ZNF416: variants seen among roughly 807,000 people sequenced by gnomAD.
The protein encoded by ZNF416 is zinc finger protein 416.
ZNF416 carries 5 observed loss-of-function variants against 10.9 expected under a neutral mutation model. The ratio of observed to expected loss-of-function variants is 0.46; its 90% CI spans 0.24 to 0.97. ZNF416 has a LOEUF of 0.97. ZNF416 is among the 50% of genes least tolerant of loss of function. The pLI is 0.19. For missense variants in ZNF416, 675 were observed against 715.0 expected (o/e 0.94, Z 0.64); for synonymous variants, 267 against 251.8 (o/e 1.06, Z -0.57).
rs778592379 is a variant in ZNF416 at position 57,578,841 on chromosome 19, C to CAG, written c.-138_-137insCT. The CAG allele has an allele frequency of 2.6e-4, 229 of 876,718 alleles. No individual in the cohort carries two copies. Among genetic ancestry groups the CAG allele is most frequent in the Middle Eastern group, 3.8e-4 (1 of 2,638 alleles). 54.3% of individuals were successfully genotyped at this position (876,718 alleles called of 1,614,324 possible). ...CCGCTCTGTGCCGGAGGCAGCGTTT[C>CAG]TAACTCAGGCGGCGTGGGCCGAGGT... On this transcript the variant is annotated 5_prime_UTR_variant, in exon 1 of 4. It removes the in-frame stop codon of an upstream open reading frame in the 5' UTR. Coordinates refer to ENST00000196489, the MANE Select transcript of ZNF416 (RefSeq NM_017879.3).
chr19:57,572,177 C>G lies in ZNF416; in HGVS notation c.1727G>C (p.Arg576Thr). ...ILHRKSHTVE[R>T]PRDSSKCGKP... ...TCCACATTTGCTGCTGTCACGAGGC[C>G]TCTCCACAGTGTGAGATTTTCGGTG... The change falls in exon 4 of 4, where the codon AGG (arginine) becomes ACG (threonine). Residue 576 changes from arginine (R) to threonine (T), a missense_variant. Arg to Thr is a moderately conservative substitution (Grantham distance 71, BLOSUM62 -1). Transcript: ENST00000196489. This position sits in a 1 kb window ranked among gnomAD's most constrained non-coding sequence, Gnocchi z 4.5. 6.2e-7 allele frequency: 1 copy of G among 1,614,138 alleles called. No individual in the cohort carries two copies. The highest frequency in any genetic ancestry group is 2.2e-5 in the East Asian group (1 of 44,884).
rs202149553 is a variant in ZNF416, at chr19:57,573,208, G to A, written c.696C>T (p.His232=). Residue 232 remains histidine (H), a synonymous_variant, in exon 4 of 4, where the codon CAC becomes CAT. Coordinates refer to ENST00000196489, the MANE Select transcript of ZNF416 (RefSeq NM_017879.3). ...GCCTTTTTCCAGTGCAGACTCTAGG[G>A]TGAAAAAAAGTGTGTTTGTGGCTGG... ...RESSHKHTFF[H]PRVCTGKRLY... is the part of the protein sequence containing the mutation. 8 of 1,614,170 alleles carry A rather than the reference G, an allele frequency of 5.0e-6. No homozygotes were observed. In the Admixed American group the frequency reaches 5.0e-5, roughly 10 times the overall value.
Position 57,573,220 on chromosome 19 carries a change from G to A in ZNF416, c.684C>T (p.His228=), listed in dbSNP as rs145794172. Residue 228 remains histidine (H), a synonymous_variant, in exon 4 of 4, where the codon CAC becomes CAT. Coordinates refer to ENST00000196489, the MANE Select transcript of ZNF416 (RefSeq NM_017879.3). ...TGCAGACTCTAGGGTGAAAAAAAGT[G>A]TGTTTGTGGCTGGACTCTCTCCTGC... The part of the protein sequence containing the change: ...SQCRRESSHK[H]TFFHPRVCTG... 2 of 1,614,256 alleles carry A rather than the reference G, an allele frequency of 1.2e-6. No homozygotes were observed. Among genetic ancestry groups the A allele is most frequent in the South Asian group, 1.1e-5 (1 of 91,086 alleles).
chr19:57,572,001 G>T lies in ZNF416; in HGVS notation c.*118C>A. The T allele has an allele frequency of 7.4e-7, 1 of 1,347,016 alleles. No individual in the cohort carries two copies. Among genetic ancestry groups the T allele is most frequent in the Non-Finnish European group, 1.0e-6 (1 of 982,712 alleles). 83.4% of individuals were successfully genotyped at this position (1,347,016 alleles called of 1,614,324 possible). On this transcript the variant is annotated 3_prime_UTR_variant, in exon 4 of 4. Coordinates refer to ENST00000196489, the MANE Select transcript of ZNF416 (RefSeq NM_017879.3). This position sits in a 1 kb window ranked among gnomAD's most constrained non-coding sequence, Gnocchi z 4.5. ...CCCATCGGGAGGTCTAGAAGTATGA[G>T]GTTTAACTTTAGGCAGACGGCTCCT...
Position 57,572,153 on chromosome 19 carries a change from CCA to C in ZNF416, c.1749_1750del (p.Cys583TrpfsTer9). On this transcript the variant is annotated frameshift_variant, in exon 4 of 4. Coordinates refer to ENST00000196489, the MANE Select transcript of ZNF416 (RefSeq NM_017879.3). LOFTEE classifies it low-confidence loss of function (END_TRUNC). This position sits in a 1 kb window ranked among gnomAD's most constrained non-coding sequence, Gnocchi z 4.5. ...GTTAGATCTTGGGCTGTAGGGTTTT[CCA>C]CATTTGCTGCTGTCACGAGGCCTCT... is the stretch of plus-strand genomic sequence containing the variant. 1.2e-6 allele frequency: 2 copies of C among 1,613,428 alleles called. No individual in the cohort carries two copies. Among genetic ancestry groups the C allele is most frequent in the Non-Finnish European group, 1.7e-6 (2 of 1,179,428 alleles).
chr19:57,578,175 G>T, intron 1 of ZNF416, 77 bp from the exon 2 acceptor site: 1 of 1,484,718 alleles, frequency 6.7e-7, no homozygotes, highest in Middle Eastern at 1.8e-4. Context: ...TTGTTTCCCT[G>T]CGCAGCCCTG....
chr19:57,576,950 T>C (rs1020878790), intron 2 of ZNF416, among the ~76,000 whole-genome samples: 28 of 151,824 alleles, frequency 1.8e-4, no homozygotes, highest in Admixed American at 1.5e-3. Flanking sequence ...CACCCTACCA[T>C]AGCCACCTCT....
chr19:57,577,556 G>C (rs1389280141), intron 2 of ZNF416, among the ~76,000 whole-genome samples: 3 of 152,142 alleles, frequency 2.0e-5, no homozygotes, highest in Non-Finnish European at 4.4e-5. Flanking sequence ...TACTGCAGCA[G>C]CCTTCTTCAC....
Position 57,572,128 on chromosome 19 carries a change from G to A in ZNF416, c.1776C>T (p.Asn592=). ...KCGKPYSPRS[N]IV Reference sequence around the variant, plus strand: ...TTTGGAGTTTCAAGAGTTAAACAATGTTAGATCTTGGGCTGTAGGGTTTTC... The same window carrying A: ...TTTGGAGTTTCAAGAGTTAAACAATATTAGATCTTGGGCTGTAGGGTTTTC... The change falls in exon 4 of 4, where the codon AAC becomes AAT. Residue 592 remains asparagine, a synonymous_variant. Transcript: ENST00000196489. The surrounding 1 kb of genome is among the most constrained non-coding windows in gnomAD (Gnocchi z 4.5). 6.2e-7 allele frequency: 1 copy of A among 1,610,646 alleles called. No individual in the cohort carries two copies. Among genetic ancestry groups the A allele is most frequent in the Non-Finnish European group, 8.5e-7 (1 of 1,177,154 alleles).
At position 57,572,878 on chromosome 19, in the gene ZNF416, A is replaced by C. The variant is rs747608676; in HGVS notation, c.1026T>G (p.Ile342Met). 2 of 1,614,060 alleles carry C rather than the reference A, an allele frequency of 1.2e-6. No homozygotes were observed. The highest frequency in any genetic ancestry group is 1.7e-6 in the Non-Finnish European group (2 of 1,179,922). ...CTCCAGTGTGAATTCTGCAATGTTC[A>C]ATAAGGTTGGAACTTTGGCTAAAAG... ...GKSFSQSSNL[I>M]EHCRIHTGER... The change falls in exon 4 of 4, where the codon ATT (isoleucine) becomes ATG (methionine). Residue 342 changes from isoleucine to methionine, a missense_variant. Transcript: ENST00000196489. This position sits in a 1 kb window ranked among gnomAD's most constrained non-coding sequence, Gnocchi z 4.5.
In ZNF416 at chr19:57,573,266, C is replaced by T. The variant is rs1206221384; in HGVS notation, c.638G>A (p.Ser213Asn). Residue 213 changes from serine (S) to asparagine (N), a missense_variant, in exon 4 of 4, where the codon AGT (serine) becomes AAT (asparagine). By Grantham distance (46) the Ser-to-Asn change is conservative. Coordinates refer to ENST00000196489, the MANE Select transcript of ZNF416 (RefSeq NM_017879.3). ...CCTGCATTGACTCCACTTGTAATGA[C>T]TTATTCCAACATGAAAGGCCTCCTC... ...KCEEAFHVGISHYKWSQCRRE... is the reference protein window; with the variant it reads ...KCEEAFHVGINHYKWSQCRRE... 2.5e-6 allele frequency: 4 copies of T among 1,614,120 alleles called. No homozygotes were observed. Among genetic ancestry groups the T allele is most frequent in the East Asian group, 2.2e-5 (1 of 44,902 alleles).
At position 57,572,034 on chromosome 19, in the gene ZNF416, G is replaced by T; in HGVS notation, c.*85C>A. 1 of 1,508,534 alleles carries T rather than the reference G, an allele frequency of 6.6e-7. No homozygotes were observed. 93.4% of individuals were successfully genotyped at this position (1,508,534 alleles called of 1,614,324 possible). On this transcript the variant is annotated 3_prime_UTR_variant, in exon 4 of 4. Coordinates refer to ENST00000196489, the MANE Select transcript of ZNF416 (RefSeq NM_017879.3). This position sits in a 1 kb window ranked among gnomAD's most constrained non-coding sequence, Gnocchi z 4.5. The stretch of plus-strand genomic sequence containing the variant: ...TTTAGGCAGACGGCTCCTTCACAAA[G>T]GCTCTCTATAGCCATAACACTGAAG...
intron 3 of ZNF416, among the ~76,000 whole-genome samples, chr19:57,574,020 T>C (rs1179095425): frequency 2.0e-5 from 3 of 151,970 alleles, no homozygotes; most frequent in East Asian, 1.9e-4. Context: ...CGAAACTGTC[T>C]CAAAAACAAA....
rs770887515 is a variant in ZNF416 at position 57,572,146 on chromosome 19, G to A, written c.1758C>T (p.Pro586=). ...RPRDSSKCGK[P]YSPRSNIV The stretch of plus-strand genomic sequence containing the variant: ...AAACAATGTTAGATCTTGGGCTGTA[G>A]GGTTTTCCACATTTGCTGCTGTCAC... Residue 586 remains proline (P), a synonymous_variant, in exon 4 of 4, where the codon CCC becomes CCT. Transcript: ENST00000196489. This position sits in a 1 kb window ranked among gnomAD's most constrained non-coding sequence, Gnocchi z 4.5. 1.9e-6 allele frequency: 3 copies of A among 1,613,242 alleles called. No homozygotes were observed. The highest frequency in any genetic ancestry group is 2.2e-5 in the South Asian group (2 of 91,062).
At chr19:57,576,011 C>T in intron 2 of ZNF416, 81 bp from the exon 3 acceptor site, 1 of 1,542,476 alleles carries the variant, frequency 6.5e-7, no homozygotes, top group Non-Finnish European at 8.8e-7. Context: ...CATCCTTTCC[C>T]TGCTTATCCC....
rs894843886 is a variant in ZNF416, at chr19:57,573,523, T to C, written c.381A>G (p.Leu127=). The part of the protein sequence containing the change: ...LHLTDLPGQE[L]YLTGACAVFH... ...AGACCGCACATGCCCCAGTCAAGTATAGTTCCTGCCCAGGCAAATCGGTCA... is the reference window on the plus strand; with the variant it reads ...AGACCGCACATGCCCCAGTCAAGTACAGTTCCTGCCCAGGCAAATCGGTCA... Residue 127 remains leucine, a synonymous_variant, in exon 4 of 4, where the codon CTA becomes CTG. Transcript: ENST00000196489. The C allele has an allele frequency of 6.2e-7, 1 of 1,614,218 alleles. No homozygotes were observed. Among genetic ancestry groups the C allele is most frequent in the Non-Finnish European group, 8.5e-7 (1 of 1,180,048 alleles).
In ZNF416 at chr19:57,573,235, C is replaced by T. The variant is rs750845925; in HGVS notation, c.669G>A (p.Glu223=). ...SHYKWSQCRR[E]SSHKHTFFHP... ...GAAAAAAAGTGTGTTTGTGGCTGGA[C>T]TCTCTCCTGCATTGACTCCACTTGT... Residue 223 remains glutamate, a synonymous_variant, in exon 4 of 4, where the codon GAG becomes GAA. Coordinates refer to ENST00000196489, the MANE Select transcript of ZNF416 (RefSeq NM_017879.3). 49 of 1,614,128 alleles carry T rather than the reference C, an allele frequency of 3.0e-5. No homozygotes were observed. The highest frequency in any genetic ancestry group is 4.2e-5 in the Non-Finnish European group (49 of 1,180,052).
At position 57,572,284 on chromosome 19, in the gene ZNF416, G is replaced by A. The variant is rs757730676; in HGVS notation, c.1620C>T (p.His540=). 3.1e-6 allele frequency: 5 copies of A among 1,614,074 alleles called. No individual in the cohort carries two copies. The highest frequency in any genetic ancestry group is 1.7e-5 in the Admixed American group (1 of 60,016). Residue 540 remains histidine, a synonymous_variant, in exon 4 of 4, where the codon CAC becomes CAT. Transcript: ENST00000196489. The surrounding 1 kb of genome is among the most constrained non-coding windows in gnomAD (Gnocchi z 4.5). ...SFIQKSSLIQ[H]QVVHTGERPY... is the part of the protein sequence containing the mutation. Reference sequence around the variant, plus strand: ...GCCTTTCTCCTGTGTGAACCACTTGGTGTTGAATGAGGCTAGACTTTTGGA... The same window carrying A: ...GCCTTTCTCCTGTGTGAACCACTTGATGTTGAATGAGGCTAGACTTTTGGA...
intron 2 of ZNF416, 87 bp downstream of exon 2, chr19:57,577,970 A>T (rs550496050): frequency 5.9e-5 from 84 of 1,432,498 alleles, no homozygotes; most frequent in Non-Finnish European, 7.9e-5. Context: ...GGACCCAAAG[A>T]GTGCCAAGAG....
Sources: allele counts gnomAD v4.1 joint callset (sites outside exome capture counted in the v4.1 genomes callset), GRCh38; gene constraint gnomAD v4.1.1; non-coding constraint Gnocchi (gnomAD v3.1); transcripts MANE v1.5; gene names NCBI Gene and HGNC (gene_info 2026-07-23, HGNC 2026-07-21).